ROR2: variants seen among roughly 807,000 people sequenced by gnomAD.
ROR2 encodes tyrosine-protein kinase transmembrane receptor ROR2.
In ROR2, 33 loss-of-function variants were observed where a neutral mutation model predicts 74.9. The observed-to-expected ratio is 0.44, with a 90% CI of 0.33 to 0.59. ROR2 has a LOEUF of 0.59. ROR2 is among the 20% of genes least tolerant of loss of function. ROR2 has a pLI of 0.02. For missense variants in ROR2, 1,216 were observed against 1,313.8 expected, an observed-to-expected ratio of 0.93 and a Z score of 1.15; for synonymous variants, 586 against 558.7, an observed-to-expected ratio of 1.05 and a Z score of -0.69.
intron 7 of ROR2, among the ~76,000 whole-genome samples, chr9:91,730,547 G>A (rs568221202): frequency 1.5e-4 from 23 of 152,162 alleles, no homozygotes; most frequent in African/African-American, 4.6e-4. Context: ...TGCAACCTCC[G>A]CTTCCCAGGC....
chr9:91,766,376 C>T (rs547726072), intron 2 of ROR2, among the ~76,000 whole-genome samples: 1 of 152,360 alleles, frequency 6.6e-6, no homozygotes, highest in South Asian at 2.1e-4. Context: ...AATTCTGCTT[C>T]CTTTCCATTC....
At chr9:91,825,351 C>T (rs1233912187) in intron 1 of ROR2, among the ~76,000 whole-genome samples, 4 of 152,154 alleles carry the variant, frequency 2.6e-5, no homozygotes, top group Non-Finnish European at 5.9e-5. Flanking sequence ...ACACCTGGGG[C>T]GAAGGTGTCA....
intron 1 of ROR2, among the ~76,000 whole-genome samples, chr9:91,880,027 A>G (rs1027278361): frequency 6.6e-6 from 1 of 152,194 alleles, no homozygotes; most frequent in African/African-American, 2.4e-5. Flanking sequence ...TGTGACCTCC[A>G]AAATTCGTAT....
rs142582162 is a variant in ROR2 at position 91,851,035 on chromosome 9, G to A, written c.98-75217C>T. 1.8e-3 allele frequency among the ~76,000 whole-genome samples: 269 copies of A among 152,280 alleles called. No homozygotes were observed. The South Asian group carries it at 0.021, about 12-fold the overall frequency. ...CTATTTCCCCACTCATTGGAAAAGT[G>A]AGTGAATTTATCACTTAATAAATTC... On this transcript the variant is annotated intron_variant, in intron 1 of 8. Coordinates refer to ENST00000375708, the MANE Select transcript of ROR2 (RefSeq NM_004560.4).
rs10677451 is a variant in ROR2, at chr9:91,832,367, C to CAAAA, written c.98-56553_98-56550dup. Among the ~76,000 whole-genome samples the CAAAA allele has an allele frequency of 8.1e-4, 31 of 38,338 alleles. 1 individual carries two copies. Among genetic ancestry groups the CAAAA allele is most frequent in the East Asian group, 1.2e-3 (1 of 808 alleles). The allele number at this position is 38,338 out of a possible 152,430, so 25.2% of individuals were successfully genotyped here. ...TTGTCAACTTCTGGGGTCACAATGG[C>CAAAA]AAAAAAAAAAAAAAAAAAAAAAAAA... On this transcript the variant is annotated intron_variant, in intron 1 of 8. Transcript: ENST00000375708.
At chr9:91,944,323 G>C (rs1031342301) in intron 1 of ROR2, among the ~76,000 whole-genome samples, 7 of 152,312 alleles carry the variant, frequency 4.6e-5, no homozygotes, top group Admixed American at 1.3e-4. Flanking sequence ...TCCATCGTCT[G>C]AAAACATCAT....
At chr9:91,790,989 G>C (rs953303584) in intron 1 of ROR2, among the ~76,000 whole-genome samples, 1 of 152,128 alleles carries the variant, frequency 6.6e-6, no homozygotes, top group African/African-American at 2.4e-5. Context: ...TAGTAAAAAG[G>C]TTACCTTAAG....
chr9:91,919,725 T>C (rs1013200284), intron 1 of ROR2, among the ~76,000 whole-genome samples: 8 of 152,318 alleles, frequency 5.3e-5, no homozygotes, highest in African/African-American at 1.9e-4. Context: ...CAGCCCACTC[T>C]GCTCCTTCAT....
intron 1 of ROR2, among the ~76,000 whole-genome samples, chr9:91,803,644 G>A (rs578099562): frequency 6.6e-6 from 1 of 152,218 alleles, no homozygotes; most frequent in Admixed American, 6.5e-5. Context: ...CATGCCCTGG[G>A]TGGAACCACA....
intron 1 of ROR2, among the ~76,000 whole-genome samples, chr9:91,934,845 T>G (rs1372473985): frequency 6.6e-6 from 1 of 152,216 alleles, no homozygotes; most frequent in Non-Finnish European, 1.5e-5. Flanking sequence ...GTCAGAGCTC[T>G]GCCTTGCAAA....
intron 1 of ROR2, among the ~76,000 whole-genome samples, chr9:91,871,746 C>CCT (rs900595534): frequency 1.2e-4 from 19 of 152,266 alleles, no homozygotes; most frequent in African/African-American, 3.6e-4. Flanking sequence ...TAACACACTC[C>CCT]CTCTTGAGAG....
intron 1 of ROR2, among the ~76,000 whole-genome samples, chr9:91,897,563 T>C (rs1236748919): frequency 7.8e-6 from 1 of 127,624 alleles, no homozygotes; most frequent in Non-Finnish European, 1.7e-5. Flanking sequence ...GATTTGGAAG[T>C]GGGTGGGGGG....
At chr9:91,887,788 CTTTTTT>C (rs771557997) in intron 1 of ROR2, among the ~76,000 whole-genome samples, 3 of 100,686 alleles carry the variant, frequency 3.0e-5, no homozygotes, top group African/African-American at 4.1e-5. Context: ...CTTTTTTTCT[CTTTTTT>C]TTTTTTTTTT....
In ROR2 at chr9:91,938,730, T is replaced by C. The variant is rs998683574; in HGVS notation, c.97+11137A>G. ...AGTACACATCTCTCCTTCTGTATCA[T>C]TCTCCCCACTCAGAATCTCTTCTTT... On this transcript the variant is annotated intron_variant, in intron 1 of 8. Coordinates refer to ENST00000375708, the MANE Select transcript of ROR2 (RefSeq NM_004560.4). Among the ~76,000 whole-genome samples, 4 of 152,370 alleles carry C rather than the reference T, an allele frequency of 2.6e-5. No individual in the cohort carries two copies. In the South Asian group the frequency reaches 8.3e-4, roughly 32 times the overall value.
At chr9:91,878,180 A>G (rs900490883) in intron 1 of ROR2, among the ~76,000 whole-genome samples, 1 of 152,214 alleles carries the variant, frequency 6.6e-6, no homozygotes, top group African/African-American at 2.4e-5. Flanking sequence ...CATTAAATTC[A>G]TTTAATCTGC....
intron 1 of ROR2, among the ~76,000 whole-genome samples, chr9:91,926,758 C>T (rs1289312765): frequency 2.6e-5 from 4 of 152,036 alleles, no homozygotes; most frequent in Admixed American, 1.3e-4. Flanking sequence ...AAACACTATA[C>T]GAGTCCACTC....
At chr9:91,902,844 G>T (rs945962400) in intron 1 of ROR2, among the ~76,000 whole-genome samples, 2 of 152,118 alleles carry the variant, frequency 1.3e-5, no homozygotes, top group African/African-American at 4.8e-5. Flanking sequence ...TAAGGGAACC[G>T]GGCCAGTCAC....
chr9:91,859,113 C>A (rs7045708), intron 1 of ROR2, among the ~76,000 whole-genome samples: 17,657 of 151,852 alleles, frequency 0.12, 2,250 homozygotes, highest in African/African-American at 0.32. Context: ...AGTTTGGTGA[C>A]CCACAAAGAG....
intron 1 of ROR2, among the ~76,000 whole-genome samples, chr9:91,933,375 A>G (rs117503609): frequency 0.032 from 4,865 of 151,396 alleles, 121 homozygotes; most frequent in Non-Finnish European, 0.049. Context: ...ATACTCACAG[A>G]GTTAAAAAAA....
Sources: allele counts gnomAD v4.1 joint callset (sites outside exome capture counted in the v4.1 genomes callset), GRCh38; gene constraint gnomAD v4.1.1; transcripts MANE v1.5; gene names NCBI Gene and HGNC (gene_info 2026-07-23, HGNC 2026-07-21).